Variants in MCF2L observed in about 807,000 individuals in gnomAD.
MCF2L encodes the protein guanine nucleotide exchange factor DBS.
A neutral mutation model predicts 153.4 loss-of-function variants in MCF2L; 97 were observed. That is an observed-to-expected ratio of 0.63 (90% CI 0.54 to 0.75). The LOEUF is 0.75. MCF2L is among the 30% of genes least tolerant of loss of function. The probability of loss-of-function intolerance (pLI) is 0.00; values close to 1 mark genes in which losing one functional copy is unlikely to be tolerated. For missense variants in MCF2L, 1,347 were observed against 1,495.2 expected (o/e 0.90, Z 1.64); for synonymous variants, 659 against 632.2 (o/e 1.04, Z -0.64).
At chr13:113,096,520 G>A (rs376455683) in intron 28 of MCF2L, 30 bp from the exon 29 acceptor site, 1 of 1,585,770 alleles carries the variant, frequency 6.3e-7, no homozygotes, top group Non-Finnish European at 8.6e-7. Context: ...TGCCCCGCAC[G>A]TGGCTGCCGC....
chr13:113,077,320 C>A, intron 13 of MCF2L, 109 bp downstream of exon 13: 1 of 1,256,298 alleles, frequency 8.0e-7, no homozygotes, highest in Non-Finnish European at 1.1e-6. Flanking sequence ...TGTCTCCACA[C>A]GCCTCCTCCC....
At position 113,053,634 on chromosome 13, in the gene MCF2L, G is replaced by A. The variant is rs1273576056; in HGVS notation, c.370-6959G>A. Among the ~76,000 whole-genome samples the A allele has an allele frequency of 6.6e-6, 1 of 152,216 alleles. No individual in the cohort carries two copies. The highest frequency in any genetic ancestry group is 2.4e-5 in the African/African-American group (1 of 41,458). On this transcript the variant is annotated intron_variant, in intron 4 of 29. Transcript: ENST00000535094. This position sits in a 1 kb window ranked among gnomAD's most constrained non-coding sequence, Gnocchi z 4.4. The stretch of plus-strand genomic sequence containing the variant: ...ACGGGGCGAAGGTCCCGTGGCTGAG[G>A]TGTCCACTGACCGTTTCTGCCTGAA...
rs370923019 is a variant in MCF2L, at chr13:113,046,565, C to A, written c.369+1204C>A. On this transcript the variant is annotated intron_variant, in intron 4 of 29. Transcript: ENST00000535094. This position sits in a 1 kb window ranked among gnomAD's most constrained non-coding sequence, Gnocchi z 4.4. ...TACTGAAAAAAGTCATTCCTTTCCC[C>A]GCACATTGCCTCATTCCTTCATCTT... 2 of 533,344 alleles carry A rather than the reference C, an allele frequency of 3.7e-6. No homozygotes were observed. Among genetic ancestry groups the A allele is most frequent in the African/African-American group, 3.8e-5 (2 of 52,042 alleles). The allele number at this position is 533,344 out of a possible 1,614,324, so 33.0% of individuals were successfully genotyped here. A position where few individuals can be genotyped will look rare whatever the true frequency, so the allele number is the denominator to read the frequency against.
chr13:113,009,869 C>T (rs1389268180), intron 1 of MCF2L: 1 of 152,280 alleles, frequency 6.6e-6, no homozygotes, highest in African/African-American at 2.4e-5. Flanking sequence ...GCACGACTGT[C>T]CTGTCTGATG....
rs950128121 is a variant in MCF2L, at chr13:113,015,678, G to A, written c.163+832G>A. On this transcript the variant is annotated intron_variant, in intron 2 of 29. Transcript: ENST00000535094. ...TTGGGGTCTGAGGGAGGCTGACTGC[G>A]AGGTGCAGCTGGTGAGTTTTATGAG... Among the ~76,000 whole-genome samples, 6 of 152,326 alleles carry A rather than the reference G, an allele frequency of 3.9e-5. No individual in the cohort carries two copies. In the East Asian group the frequency reaches 5.8e-4, roughly 15 times the overall value.
intron 2 of MCF2L, among the ~76,000 whole-genome samples, chr13:112,958,315 C>T (rs993479604): frequency 2.0e-5 from 3 of 152,208 alleles, no homozygotes; most frequent in Admixed American, 6.5e-5. Context: ...TGGAGACCCA[C>T]GCAGGATTTC....
chr13:112,968,860 C>A, upstream of MCF2L: 2 of 1,027,442 alleles, frequency 1.9e-6, no homozygotes, highest in Non-Finnish European at 2.6e-6. Flanking sequence ...GCGGCACCCG[C>A]GGGGCTCCCA....
At chr13:113,075,933 C>A (rs76440278) in intron 11 of MCF2L, 33 bp from the exon 12 acceptor site, 5 of 1,543,472 alleles carry the variant, frequency 3.2e-6, no homozygotes, top group Middle Eastern at 4.6e-4. Flanking sequence ...CCTCTCACGG[C>A]GTCCTGCCCT....
intron 4 of MCF2L, 64 bp from the exon 5 acceptor site, chr13:113,060,529 G>A (rs962027402): frequency 1.7e-5 from 27 of 1,590,838 alleles, no homozygotes; most frequent in Admixed American, 1.0e-4. Flanking sequence ...TGCAGGCACC[G>A]CACTAGGGGG....
chr13:113,049,764 G>C (rs772020024), intron 4 of MCF2L, among the ~76,000 whole-genome samples: 1 of 152,232 alleles, frequency 6.6e-6, no homozygotes, highest in African/African-American at 2.4e-5. Flanking sequence ...CGAGGAGGAC[G>C]CAGCGCTTAC....
At position 113,098,928 on chromosome 13, in the gene MCF2L, A is replaced by G. The variant is rs1277698352; in HGVS notation, c.*2069A>G. ...GCATGGTTAACAGGAAACAACATGT[A>G]ACGGAAGAGACAGCCCAGATGTGTC... On this transcript the variant is annotated 3_prime_UTR_variant, in exon 30 of 30. Coordinates refer to ENST00000535094, the MANE Select transcript of MCF2L (RefSeq NM_001112732.3). The G allele has an allele frequency of 6.6e-6, 1 of 152,350 alleles. No homozygotes were observed. Among genetic ancestry groups the G allele is most frequent in the Non-Finnish European group, 1.5e-5 (1 of 68,094 alleles). 9.4% of individuals were successfully genotyped at this position (152,350 alleles called of 1,614,324 possible).
chr13:113,069,942 G>T, intron 8 of MCF2L, 117 bp from the exon 9 acceptor site: 1 of 635,924 alleles, frequency 1.6e-6, no homozygotes, highest in South Asian at 1.8e-5. Flanking sequence ...CGGAGGCCAG[G>T]ATCTCAGGAA....
rs568698440 is a variant in MCF2L, at chr13:112,903,517, C to T, written c.169+1146C>T. Among the ~76,000 whole-genome samples, 7 of 152,254 alleles carry T rather than the reference C, an allele frequency of 4.6e-5. No homozygotes were observed. The South Asian group carries it at 8.3e-4, about 18-fold the overall frequency. On this transcript the variant is annotated intron_variant, in intron 2 of 29. Transcript: ENST00000375608. ...GAAAGAGATTCCACCTGGTGACTGCCGAGTGTCTGTGGTTCCCTGGCCCAG... is the reference window on the plus strand; with the variant it reads ...GAAAGAGATTCCACCTGGTGACTGCTGAGTGTCTGTGGTTCCCTGGCCCAG...
At chr13:113,026,893 G>A (rs1363348206) in intron 3 of MCF2L, 2 of 758,974 alleles carry the variant, frequency 2.6e-6, no homozygotes, top group Non-Finnish European at 4.9e-6. Flanking sequence ...GCAGCATCAG[G>A]CCGGTGAGCT....
chr13:112,918,246 G>C (rs1318922853), intron 2 of MCF2L, among the ~76,000 whole-genome samples: 1 of 152,216 alleles, frequency 6.6e-6, no homozygotes, highest in Non-Finnish European at 1.5e-5. Flanking sequence ...CCTGGAAACA[G>C]TGCTGACAGC....
intron 2 of MCF2L, among the ~76,000 whole-genome samples, chr13:112,933,791 A>C (rs1354307743): frequency 6.6e-6 from 1 of 152,238 alleles, no homozygotes. Flanking sequence ...GGAGAACCCA[A>C]GGCTGTGTCC....
At chr13:112,945,608 A>G (rs2081629074) in intron 2 of MCF2L, among the ~76,000 whole-genome samples, 1 of 152,248 alleles carries the variant, frequency 6.6e-6, no homozygotes, top group South Asian at 2.1e-4. Flanking sequence ...CTTGAGCAGC[A>G]GTTCCTGCCC....
chr13:113,090,689 G>C, intron 26 of MCF2L: 1 of 985,494 alleles, frequency 1.0e-6, no homozygotes. Flanking sequence ...CGGCCCTGGC[G>C]TGCAGGCGGC....
At chr13:113,088,438 G>T (rs192776193) in intron 24 of MCF2L, 33 bp downstream of exon 24, 1 of 1,612,390 alleles carries the variant, frequency 6.2e-7, no homozygotes, top group Non-Finnish European at 8.5e-7. Context: ...GTTTCCCGTA[G>T]CTTCCGCTCC....
Sources: allele counts gnomAD v4.1 joint callset (sites outside exome capture counted in the v4.1 genomes callset), GRCh38; gene constraint gnomAD v4.1.1; non-coding constraint Gnocchi (gnomAD v3.1); transcripts MANE v1.5; gene names NCBI Gene and HGNC (gene_info 2026-07-23, HGNC 2026-07-21).